POLA1: variants seen among roughly 807,000 people sequenced by gnomAD.
POLA1 encodes the protein DNA polymerase alpha 1, catalytic subunit.
POLA1 carries 15 observed loss-of-function variants against 124.0 expected under a neutral mutation model. The ratio of observed to expected loss-of-function variants is 0.12; its 90% CI spans 0.08 to 0.19. The LOEUF (loss-of-function observed/expected upper bound fraction) is 0.19. POLA1 is among the 10% of genes least tolerant of loss of function. POLA1 has a pLI of 1.00. For synonymous variants in POLA1, 408 were observed against 389.4 expected, an observed-to-expected ratio of 1.05 and a Z score of -0.56; for missense variants, 886 against 1,103.4, an observed-to-expected ratio of 0.80 and a Z score of 2.79.
chrX:24,975,140 T>G, intron 36 of POLA1, among the ~76,000 whole-genome samples: 1 of 112,039 alleles, frequency 8.9e-6, no homozygotes, highest in Non-Finnish European at 1.9e-5. Flanking sequence ...GCCTCCCAAG[T>G]AGCTGGAACT....
At chrX:24,920,375 G>T (rs1601872345) in intron 35 of POLA1, among the ~76,000 whole-genome samples, 1 of 111,015 alleles carries the variant, frequency 9.0e-6, no homozygotes. Flanking sequence ...TTGTGGCCCT[G>T]TGCTTCAGCC....
chrX:24,968,483 A>G (rs913299492), intron 36 of POLA1, among the ~76,000 whole-genome samples: 2 of 111,219 alleles, frequency 1.8e-5, no homozygotes, highest in African/African-American at 6.5e-5. Context: ...GCGGATCACA[A>G]GGTCAGGAGA....
At chrX:24,775,007 C>T (rs1007546461) in intron 26 of POLA1, among the ~76,000 whole-genome samples, 5 of 111,371 alleles carry the variant, frequency 4.5e-5, no homozygotes, top group Non-Finnish European at 9.4e-5. Context: ...ATAATCACAC[C>T]ATGTCTTTTT....
chrX:24,850,122 T>C (rs1297206435), intron 34 of POLA1, among the ~76,000 whole-genome samples: 2 of 112,000 alleles, frequency 1.8e-5, no homozygotes, highest in Non-Finnish European at 3.8e-5. Flanking sequence ...GGTTGGTATG[T>C]TTTTATTCAT....
In POLA1 at chrX:24,841,901, G is replaced by A. The variant is rs192698296; in HGVS notation, c.3915+71G>A. ...GCCTTACCCCCTTCCCCCACTATGG[G>A]GTATATAAAAAGGGCGAAATAAACA... On this transcript the variant is annotated intron_variant, in intron 33 of 36. Coordinates refer to ENST00000379068, the MANE Select transcript of POLA1 (RefSeq NM_001330360.2). 12 of 777,913 alleles carry A rather than the reference G, an allele frequency of 1.5e-5. No homozygotes were observed. In the East Asian group the frequency reaches 4.2e-4, roughly 27 times the overall value. 64.1% of individuals were successfully genotyped at this position (777,913 alleles called of 1,213,427 possible). A position where few individuals can be genotyped will look rare whatever the true frequency, so the allele number is the denominator to read the frequency against.
At chrX:24,771,771 A>G (rs1238554811) in intron 26 of POLA1, among the ~76,000 whole-genome samples, 1 of 112,039 alleles carries the variant, frequency 8.9e-6, no homozygotes, top group African/African-American at 3.2e-5. Context: ...AAATTAGCAC[A>G]TGAAAGTGCT....
chrX:24,721,389 T>G (rs957660707), intron 10 of POLA1, among the ~76,000 whole-genome samples: 2 of 112,371 alleles, frequency 1.8e-5, no homozygotes, highest in African/African-American at 6.5e-5. Flanking sequence ...ACATCTTCTC[T>G]GTTATTGATG....
chrX:24,829,063 G>A (rs2046219120), intron 32 of POLA1, among the ~76,000 whole-genome samples: 1 of 111,398 alleles, frequency 9.0e-6, no homozygotes, highest in Non-Finnish European at 1.9e-5. Context: ...ATCTTCAGAA[G>A]TTTCATGTTT....
chrX:24,988,830 G>A (rs987160909), intron 36 of POLA1, among the ~76,000 whole-genome samples: 5 of 111,306 alleles, frequency 4.5e-5, no homozygotes, highest in Non-Finnish European at 9.4e-5. Flanking sequence ...GCCAGGCGTG[G>A]TGGCAGGCAC....
chrX:24,928,374 A>G (rs1200614840), intron 35 of POLA1, among the ~76,000 whole-genome samples: 1 of 112,026 alleles, frequency 8.9e-6, no homozygotes, highest in Non-Finnish European at 1.9e-5. Flanking sequence ...TGAATTGACA[A>G]GCAGCTATAT....
At chrX:24,866,899 T>C (rs752738996) in intron 34 of POLA1, among the ~76,000 whole-genome samples, 78 of 111,835 alleles carry the variant, frequency 7.0e-4, no homozygotes, top group African/African-American at 2.2e-3. Context: ...TAAAATAAAC[T>C]AGTAAAATAG....
intron 32 of POLA1, among the ~76,000 whole-genome samples, chrX:24,829,639 T>C (rs759938122): frequency 3.6e-5 from 4 of 112,267 alleles, no homozygotes; most frequent in African/African-American, 1.3e-4. Flanking sequence ...GAATTTCTTA[T>C]CTGCACCCTT....
intron 29 of POLA1, among the ~76,000 whole-genome samples, chrX:24,813,808 C>T (rs1411541817): frequency 3.5e-5 from 3 of 85,126 alleles, no homozygotes; most frequent in African/African-American, 5.1e-5. Context: ...AGTGAGACGC[C>T]GTCAAAAAAA....
intron 22 of POLA1, among the ~76,000 whole-genome samples, chrX:24,742,582 G>A (rs992032615): frequency 4.6e-4 from 52 of 112,523 alleles, no homozygotes; most frequent in Admixed American, 3.7e-3. Flanking sequence ...TTTAGCTACT[G>A]TTTTATTAGC....
rs1293407513 is a variant in POLA1, at chrX:24,888,592, GT to G, written c.4164+473del. Among the ~76,000 whole-genome samples, 258 of 71,047 alleles carry G rather than the reference GT, an allele frequency of 3.6e-3. 1 individual carries two copies. Among genetic ancestry groups the G allele is most frequent in the Non-Finnish European group, 6.1e-3 (230 of 37,881 alleles). 61.7% of individuals were successfully genotyped at this position (71,047 alleles called of 115,157 possible). A position where few individuals can be genotyped will look rare whatever the true frequency, so the allele number is the denominator to read the frequency against. On this transcript the variant is annotated intron_variant, in intron 35 of 36. Transcript: ENST00000379068. The stretch of plus-strand genomic sequence containing the variant: ...CTGAAGCCATTTTTCTTTGTTTTTT[GT>G]TTGCTTGTTTTTTTTTTTTTTTTTT...
Position 24,814,957 on chromosome X carries a change from GTTTTTT to G in POLA1, c.3297-10_3297-5del. 1.2e-6 allele frequency: 1 copy of G among 857,790 alleles called. No individual in the cohort carries two copies. Among genetic ancestry groups the G allele is most frequent in the Non-Finnish European group, 1.5e-6 (1 of 668,529 alleles). The allele number at this position is 857,790 out of a possible 1,213,427, so 70.7% of individuals were successfully genotyped here. ...AAAAATCAACTGCTGTCTTTGTTTT[GTTTTTT>G]TTTTTTTTTTTGCAGCTTTGTGATT... On this transcript the variant is annotated splice_polypyrimidine_tract_variant and intron_variant, in intron 29 of 36. Coordinates refer to ENST00000379068, the MANE Select transcript of POLA1 (RefSeq NM_001330360.2).
intron 34 of POLA1, among the ~76,000 whole-genome samples, chrX:24,852,958 G>C (rs1267252122): frequency 1.6e-4 from 18 of 111,751 alleles, no homozygotes; most frequent in Admixed American, 1.4e-3. Flanking sequence ...CAAGTGGCAA[G>C]AAAAAAAGAA....
intron 35 of POLA1, among the ~76,000 whole-genome samples, chrX:24,914,049 T>TA (rs957432904): frequency 9.1e-6 from 1 of 109,514 alleles, no homozygotes; most frequent in African/African-American, 3.3e-5. Context: ...AATAATTTTT[T>TA]AAAAAAAGTC....
At position 24,967,325 on chromosome X, in the gene POLA1, A is replaced by T. The variant is rs913539063; in HGVS notation, c.4262-28480A>T. On this transcript the variant is annotated intron_variant, in intron 36 of 36. Transcript: ENST00000379068. ...AGCAAAGTCTGTATACTTTTCGTAC[A>T]TAGATGTCTGGGTAGAGATTTGTAT... Among the ~76,000 whole-genome samples the T allele has an allele frequency of 5.4e-5, 6 of 110,241 alleles. No homozygotes were observed. In the East Asian group the frequency reaches 1.7e-3, roughly 31 times the overall value.
Sources: gnomAD v4.1 joint callset for allele counts (sites outside exome capture counted in the v4.1 genomes callset) on GRCh38, gnomAD v4.1.1 for gene constraint, MANE v1.5 for transcripts, NCBI Gene and HGNC (gene_info 2026-07-23, HGNC 2026-07-21) for gene names.